The following FBXL13 variants were observed in gnomAD, a reference collection of about 807,000 sequenced individuals.
The protein encoded by FBXL13 is F-box and leucine rich repeat protein 13, also known as F-box and leucine-rich repeat protein 13.
Under a neutral mutation model 83.6 loss-of-function variants are expected in FBXL13, and 67 were observed. The observed-to-expected ratio is 0.80, with a 90% CI of 0.66 to 0.98. FBXL13 has a LOEUF of 0.98. Among genes scored for constraint, FBXL13 ranks in the 50% least tolerant of loss-of-function variants. The pLI is 0.00. For synonymous variants in FBXL13, 272 were observed against 299.5 expected, an observed-to-expected ratio of 0.91 and a Z score of 0.95; for missense variants, 822 against 866.5, an observed-to-expected ratio of 0.95 and a Z score of 0.64.
chr7:103,056,530 C>G (rs938194016), intron 1 of FBXL13, among the ~76,000 whole-genome samples: 1 of 152,104 alleles, frequency 6.6e-6, no homozygotes, highest in African/African-American at 2.4e-5. Context: ...GCTATCTCGG[C>G]TCACTGCAAC....
chr7:102,986,020 C>T (rs1828906882), intron 6 of FBXL13, among the ~76,000 whole-genome samples: 1 of 151,662 alleles, frequency 6.6e-6, no homozygotes. Context: ...GCACGATGCC[C>T]CCCCCCCATC....
intron 6 of FBXL13, among the ~76,000 whole-genome samples, chr7:102,979,557 T>C (rs189851776): frequency 3.2e-4 from 49 of 152,284 alleles, no homozygotes; most frequent in Middle Eastern, 3.4e-3. Flanking sequence ...CTACCTACCA[T>C]ACTATATGAG....
chr7:102,956,474 G>A (rs1166277043), intron 8 of FBXL13, among the ~76,000 whole-genome samples: 1 of 152,056 alleles, frequency 6.6e-6, no homozygotes, highest in African/African-American at 2.4e-5. Flanking sequence ...AAACCAGCAC[G>A]AGGCAAGGAT....
At chr7:102,960,132 A>G (rs1824944711) in intron 8 of FBXL13, among the ~76,000 whole-genome samples, 1 of 152,172 alleles carries the variant, frequency 6.6e-6, no homozygotes, top group East Asian at 1.9e-4. Flanking sequence ...TATATTTTTT[A>G]GTAGAAAAAA....
intron 8 of FBXL13, chr7:102,933,836 C>T: frequency 7.0e-7 from 1 of 1,433,256 alleles, no homozygotes; most frequent in East Asian, 2.5e-5. Context: ...GTTAAGATTA[C>T]CCAGACTTGG....
intron 6 of FBXL13, among the ~76,000 whole-genome samples, chr7:103,016,844 G>C (rs368663512): frequency 9.8e-5 from 15 of 152,330 alleles, no homozygotes; most frequent in African/African-American, 3.1e-4. Context: ...GAACTGGGTA[G>C]AGCCCACCAC....
exon 16 of FBXL13, chr7:102,877,559 A>G (rs1284228298): frequency 6.2e-7 from 1 of 1,610,530 alleles, no homozygotes. Flanking sequence ...AAATGTTCAC[A>G]ATTTCGTAAA....
At chr7:102,920,110 T>A (rs1262734536) in intron 10 of FBXL13, among the ~76,000 whole-genome samples, 1 of 152,226 alleles carries the variant, frequency 6.6e-6, no homozygotes, top group African/African-American at 2.4e-5. Flanking sequence ...ATTAGATCAC[T>A]GTGTACCACA....
intron 17 of FBXL13, among the ~76,000 whole-genome samples, chr7:102,834,084 A>AAGGAAGGAAG (rs1562925752): frequency 5.0e-4 from 51 of 101,124 alleles, no homozygotes; most frequent in South Asian, 2.3e-3. Context: ...AAGGAAGGAA[A>AAGGAAGGAAG]GAAAAGAAAG....
intron 6 of FBXL13, among the ~76,000 whole-genome samples, chr7:102,996,986 A>G (rs775963663): frequency 1.3e-5 from 2 of 152,208 alleles, no homozygotes; most frequent in Non-Finnish European, 2.9e-5. Flanking sequence ...GACAGTGCTC[A>G]CTGATATATT....
At chr7:103,066,169 T>C (rs189932462) in intron 1 of FBXL13, among the ~76,000 whole-genome samples, 8 of 152,320 alleles carry the variant, frequency 5.3e-5, no homozygotes, top group East Asian at 1.9e-4. Context: ...TCTAGTTTTA[T>C]GGGGAAAAAA....
intron 1 of FBXL13, among the ~76,000 whole-genome samples, chr7:103,058,748 A>C (rs1319201793): frequency 6.6e-6 from 1 of 152,226 alleles, no homozygotes; most frequent in East Asian, 1.9e-4. Flanking sequence ...ATGAGTGCCT[A>C]AATGAAGTTC....
At position 103,021,333 on chromosome 7, in the gene FBXL13, C is replaced by T. The variant is rs193283190; in HGVS notation, c.495+3730G>A. Among the ~76,000 whole-genome samples the T allele has an allele frequency of 1.9e-4, 29 of 152,234 alleles. No individual in the cohort carries two copies. In the East Asian group the frequency reaches 5.2e-3, roughly 27 times the overall value. ...CTTACACCTTATACAAAAATTAATT[C>T]AAGATGAATTAAAGACTTAAATGTT... On this transcript the variant is annotated intron_variant, in intron 6 of 19. Transcript: ENST00000313221.
At chr7:102,854,860 C>G in exon 17 of FBXL13, 1 of 1,524,334 alleles carries the variant, frequency 6.6e-7, no homozygotes, top group Non-Finnish European at 9.0e-7. Context: ...ACATTCAAAC[C>G]CTAAAAATAT....
chr7:102,866,888 CTGCTCTTGGGAAGCTTACAG>C (rs1255228187), intron 16 of FBXL13, among the ~76,000 whole-genome samples: 2 of 152,212 alleles, frequency 1.3e-5, no homozygotes, highest in Non-Finnish European at 2.9e-5. Flanking sequence ...GGTCCTGTCT[CTGCTCTTGGGAAGCTTACAG>C]TGCTATAGGG....
intron 15 of FBXL13, 36 bp downstream of exon 16, chr7:102,878,295 A>G (rs1480120216): frequency 1.3e-6 from 2 of 1,560,814 alleles, no homozygotes; most frequent in African/African-American, 2.8e-5. Flanking sequence ...AATATACAAT[A>G]CTAATGATAT....
chr7:102,932,018 ATTC>A (rs1373001712), intron 8 of FBXL13, 85 bp from the exon 10 acceptor site: 11 of 1,257,438 alleles, frequency 8.7e-6, no homozygotes, highest in Non-Finnish European at 1.2e-5. Context: ...AATGCAATGT[ATTC>A]ATTAGAAAAC....
chr7:103,056,817 A>C (rs1393780573), intron 1 of FBXL13, among the ~76,000 whole-genome samples: 4 of 149,746 alleles, frequency 2.7e-5, no homozygotes, highest in Non-Finnish European at 5.9e-5. Context: ...CCACGCCAAC[A>C]TCTATTTTTT....
intron 8 of FBXL13, among the ~76,000 whole-genome samples, chr7:102,932,204 A>C (rs1343435523): frequency 6.6e-6 from 1 of 152,230 alleles, no homozygotes; most frequent in Non-Finnish European, 1.5e-5. Flanking sequence ...CTATATACTT[A>C]GAGCTTTTAG....
Sources: allele counts gnomAD v4.1 joint callset (sites outside exome capture counted in the v4.1 genomes callset), GRCh38; gene constraint gnomAD v4.1.1; transcripts MANE v1.5; gene names NCBI Gene and HGNC (gene_info 2026-07-23, HGNC 2026-07-21).